Variants in ESRRG observed in about 807,000 individuals in gnomAD.
The protein encoded by ESRRG is estrogen related receptor gamma.
ESRRG carries 13 observed loss-of-function variants against 44.0 expected under a neutral mutation model. The observed-to-expected ratio is 0.30, with a 90% CI of 0.19 to 0.47. ESRRG has a LOEUF of 0.47. Ranked by LOEUF, ESRRG falls within the 20% of genes least tolerant of loss-of-function variation. The pLI is 1.00. For synonymous variants in ESRRG, 215 were observed against 214.6 expected (o/e 1.00, Z -0.02); for missense variants, 395 against 580.6 (o/e 0.68, Z 3.29).
At chr1:216,723,195 C>T in intron 1 of ESRRG, 49 bp downstream of exon 1, 1 of 1,468,194 alleles carries the variant, frequency 6.8e-7, no homozygotes, top group Non-Finnish European at 9.5e-7. Flanking sequence ...CCGCCCCCAC[C>T]CCCGCACCCC....
chr1:216,986,427 G>T (rs1303285157), intron 1 of ESRRG, among the ~76,000 whole-genome samples: 1 of 152,044 alleles, frequency 6.6e-6, no homozygotes, highest in Non-Finnish European at 1.5e-5. Context: ...ATGAGAGAAG[G>T]TTTGAGGCCG....
At chr1:216,646,782 AC>A (rs368766384) in intron 3 of ESRRG, among the ~76,000 whole-genome samples, 36 of 152,346 alleles carry the variant, frequency 2.4e-4, no homozygotes, top group African/African-American at 8.7e-4. Context: ...GAAAAAGCAC[AC>A]TTTTTTGGCA....
chr1:216,806,350 TGCAA>T (rs2148392365), intron 2 of ESRRG, among the ~76,000 whole-genome samples: 1 of 152,342 alleles, frequency 6.6e-6, no homozygotes, highest in Non-Finnish European at 1.5e-5. Context: ...GTCATGTTGC[TGCAA>T]GCCAATTACC....
At chr1:216,706,861 G>T (rs1194711656) in intron 1 of ESRRG, among the ~76,000 whole-genome samples, 2 of 152,114 alleles carry the variant, frequency 1.3e-5, no homozygotes, top group Non-Finnish European at 2.9e-5. Context: ...AAACCAATCT[G>T]TATCTTCAAA....
At chr1:216,892,880 G>A (rs917138582) in intron 2 of ESRRG, among the ~76,000 whole-genome samples, 4 of 151,950 alleles carry the variant, frequency 2.6e-5, no homozygotes, top group Non-Finnish European at 4.4e-5. Flanking sequence ...CTCACTCTTT[G>A]CGTTCTTAAT....
In ESRRG at chr1:216,580,124, A is replaced by G. The variant is rs200186556; in HGVS notation, c.590-12026T>C. 7.9e-5 allele frequency among the ~76,000 whole-genome samples: 12 copies of G among 152,366 alleles called. No homozygotes were observed. In the East Asian group the frequency reaches 2.1e-3, roughly 27 times the overall value. ...GTCTATACATCATCATTAGCCATGCAGTATGTATCACATGCCTGCTACACA... is the reference window on the plus strand; with the variant it reads ...GTCTATACATCATCATTAGCCATGCGGTATGTATCACATGCCTGCTACACA... On this transcript the variant is annotated intron_variant, in intron 3 of 6. Coordinates refer to ENST00000408911, the MANE Select transcript of ESRRG (RefSeq NM_001438.4).
At chr1:216,577,109 T>C (rs2061820711) in intron 3 of ESRRG, among the ~76,000 whole-genome samples, 1 of 151,896 alleles carries the variant, frequency 6.6e-6, no homozygotes, top group Admixed American at 6.6e-5. Flanking sequence ...TTCCCCAATG[T>C]AATTAAAGGA....
chr1:216,518,573 G>T (rs2045106309), intron 6 of ESRRG, among the ~76,000 whole-genome samples: 1 of 152,126 alleles, frequency 6.6e-6, no homozygotes, highest in African/African-American at 2.4e-5. Context: ...AAGCACCAAC[G>T]ATTTTTACTT....
chr1:216,521,255 A>G (rs2045993461), intron 5 of ESRRG, among the ~76,000 whole-genome samples: 1 of 152,132 alleles, frequency 6.6e-6, no homozygotes, highest in African/African-American at 2.4e-5. Context: ...TCAACACAGA[A>G]AACTAAATTA....
At chr1:216,815,359 T>C (rs1206344748) in intron 2 of ESRRG, among the ~76,000 whole-genome samples, 1 of 152,130 alleles carries the variant, frequency 6.6e-6, no homozygotes, top group Admixed American at 6.5e-5. Context: ...TACAGAGACA[T>C]TAAGTAAATG....
At chr1:216,515,728 G>GGTA (rs1219768641) in intron 6 of ESRRG, among the ~76,000 whole-genome samples, 1 of 152,092 alleles carries the variant, frequency 6.6e-6, no homozygotes, top group Non-Finnish European at 1.5e-5. Flanking sequence ...GGTGGGGTAG[G>GGTA]GGTGGCAAAG....
chr1:216,771,459 G>T (rs1283599572), intron 2 of ESRRG, among the ~76,000 whole-genome samples: 1 of 152,084 alleles, frequency 6.6e-6, no homozygotes, highest in Non-Finnish European at 1.5e-5. Context: ...CGCCCTAAGG[G>T]AATTTATAAT....
chr1:217,023,176 T>C (rs2080632872), intron 1 of ESRRG, among the ~76,000 whole-genome samples: 1 of 152,218 alleles, frequency 6.6e-6, no homozygotes, highest in Non-Finnish European at 1.5e-5. Flanking sequence ...AAAAACAATG[T>C]GTCTCTAAAA....
intron 1 of ESRRG, among the ~76,000 whole-genome samples, chr1:217,007,020 TAA>T (rs762576672): frequency 1.3e-5 from 2 of 152,172 alleles, no homozygotes; most frequent in Non-Finnish European, 2.9e-5. Context: ...AAAACTATTT[TAA>T]TTCTATGTGA....
At chr1:216,838,595 T>G (rs1160420349) in intron 2 of ESRRG, among the ~76,000 whole-genome samples, 1 of 152,080 alleles carries the variant, frequency 6.6e-6, no homozygotes, top group Non-Finnish European at 1.5e-5. Flanking sequence ...TATAACCAAG[T>G]AAATTTACCT....
intron 1 of ESRRG, among the ~76,000 whole-genome samples, chr1:217,043,590 G>A (rs1325109307): frequency 1.3e-5 from 2 of 152,034 alleles, no homozygotes; most frequent in Non-Finnish European, 2.9e-5. Flanking sequence ...AGCTACTTTT[G>A]TACTTATTTT....
chr1:216,867,909 T>C (rs1056135089), intron 2 of ESRRG, among the ~76,000 whole-genome samples: 13 of 152,058 alleles, frequency 8.5e-5, no homozygotes, highest in African/African-American at 3.1e-4. Flanking sequence ...AATCCCTTTA[T>C]AGGCCAATTG....
At position 216,568,169 on chromosome 1, in the gene ESRRG, G is replaced by A. The variant is rs1371481495; in HGVS notation, c.590-71C>T. 5 of 1,046,206 alleles carry A rather than the reference G, an allele frequency of 4.8e-6. No homozygotes were observed. The Admixed American group carries it at 6.8e-5, about 14-fold the overall frequency. The allele number at this position is 1,046,206 out of a possible 1,614,324, so 64.8% of individuals were successfully genotyped here. The stretch of plus-strand genomic sequence containing the variant: ...TTGAGACCAATCAAATACCTAGATG[G>A]TATCCCCCAAGAGCACATAGGTGAC... On this transcript the variant is annotated intron_variant, in intron 3 of 6. Transcript: ENST00000408911.
Position 216,891,062 on chromosome 1 carries a change from G to A in ESRRG, c.-14+48520C>T, listed in dbSNP as rs58943505. Among the ~76,000 whole-genome samples the A allele has an allele frequency of 4.7e-3, 717 of 152,192 alleles. 38 individuals are homozygous for A. In the East Asian group the frequency reaches 0.12, roughly 26 times the overall value. On this transcript the variant is annotated intron_variant, in intron 2 of 7. Coordinates refer to the ESRRG transcript ENST00000359162. ...GGATTTCAAGAAAAAACATATGGAC[G>A]CCCATATGGAAAAAAAGGTTTCCTG...
Sources: allele counts gnomAD v4.1 joint callset (sites outside exome capture counted in the v4.1 genomes callset), GRCh38; gene constraint gnomAD v4.1.1; transcripts MANE v1.5; gene names NCBI Gene and HGNC (gene_info 2026-07-23, HGNC 2026-07-21).